The following SLC16A10 variants were observed in gnomAD, a reference collection of about 807,000 sequenced individuals.
SLC16A10 encodes the protein monocarboxylate transporter 10.
A neutral mutation model predicts 40.0 loss-of-function variants in SLC16A10; 27 were observed. The ratio of observed to expected loss-of-function variants is 0.67; its 90% CI spans 0.50 to 0.93. The LOEUF (loss-of-function observed/expected upper bound fraction) is 0.93. SLC16A10 is among the 40% of genes least tolerant of loss of function. SLC16A10 has a pLI of 0.00. For missense variants in SLC16A10, 529 were observed against 658.2 expected, an observed-to-expected ratio of 0.80 and a Z score of 2.15; for synonymous variants, 213 against 249.8, an observed-to-expected ratio of 0.85 and a Z score of 1.39.
chr6:111,145,561 C>T (rs1258889476), intron 1 of SLC16A10, among the ~76,000 whole-genome samples: 1 of 152,080 alleles, frequency 6.6e-6, no homozygotes, highest in Non-Finnish European at 1.5e-5. Context: ...GATCCCCTAC[C>T]TCACACCATA....
At chr6:111,176,787 G>A (rs771269301) in intron 2 of SLC16A10, among the ~76,000 whole-genome samples, 5 of 152,204 alleles carry the variant, frequency 3.3e-5, no homozygotes, top group Non-Finnish European at 7.3e-5. Flanking sequence ...AGATTTCATA[G>A]TTAATTCTAA....
chr6:111,154,239 G>T (rs1004990507), intron 1 of SLC16A10, among the ~76,000 whole-genome samples: 1 of 152,126 alleles, frequency 6.6e-6, no homozygotes, highest in African/African-American at 2.4e-5. Context: ...GTAATAACAG[G>T]ATTATATGTG....
chr6:111,201,814 C>T (rs553295615), intron 3 of SLC16A10, among the ~76,000 whole-genome samples: 1 of 152,256 alleles, frequency 6.6e-6, no homozygotes, highest in African/African-American at 2.4e-5. Flanking sequence ...ATTTGGGGTT[C>T]CCTTCTGTTG....
intron 4 of SLC16A10, among the ~76,000 whole-genome samples, chr6:111,210,693 C>G (rs537775282): frequency 6.6e-6 from 1 of 152,134 alleles, no homozygotes; most frequent in East Asian, 1.9e-4. Flanking sequence ...TAGAGTGGGT[C>G]AGATTAGACA....
intron 1 of SLC16A10, among the ~76,000 whole-genome samples, chr6:111,090,701 C>G (rs1394281320): frequency 6.6e-6 from 1 of 152,190 alleles, no homozygotes; most frequent in Non-Finnish European, 1.5e-5. Context: ...TTGAGAATAT[C>G]TGCTTTGAAG....
chr6:111,203,751 T>TAAATAAATAAAAAAAA lies in SLC16A10; in HGVS notation c.943-2838_943-2837insTAAATAAAAAAAAAAA, dbSNP rs1554261471. 6.4e-4 allele frequency among the ~76,000 whole-genome samples: 94 copies of TAAATAAATAAAAAAAA among 147,768 alleles called. No homozygotes were observed. The South Asian group carries it at 7.2e-3, about 11-fold the overall frequency. On this transcript the variant is annotated intron_variant, in intron 3 of 5. Transcript: ENST00000368851. ...ATAAATAAATAAATAAATAAATAAA[T>TAAATAAATAAAAAAAA]AAAATAATGCCCCTTCTAGTTGAAA...
In SLC16A10 at chr6:111,172,676, G is replaced by A. The variant is rs1772607115; in HGVS notation, c.344-19G>A. ...CTTACCATGTCATAATTCCCCCCACGCTTTCCCTTCTTTTACAGCATGGGT... is the reference window on the plus strand; with the variant it reads ...CTTACCATGTCATAATTCCCCCCACACTTTCCCTTCTTTTACAGCATGGGT... On this transcript the variant is annotated intron_variant, in intron 1 of 5. Transcript: ENST00000368851. 5 of 1,607,920 alleles carry A rather than the reference G, an allele frequency of 3.1e-6. No homozygotes were observed. Among genetic ancestry groups the A allele is most frequent in the Admixed American group, 1.7e-5 (1 of 59,826 alleles).
At chr6:111,103,406 T>C (rs991710759) in intron 1 of SLC16A10, among the ~76,000 whole-genome samples, 2 of 152,020 alleles carry the variant, frequency 1.3e-5, no homozygotes, top group African/African-American at 4.8e-5. Flanking sequence ...TTAGTAGAAA[T>C]GGGGTTTCAC....
intron 4 of SLC16A10, among the ~76,000 whole-genome samples, chr6:111,213,096 G>T (rs1456838342): frequency 6.6e-6 from 1 of 152,166 alleles, no homozygotes; most frequent in Non-Finnish European, 1.5e-5. Flanking sequence ...TTAAAACTGT[G>T]TATGAAAGAA....
At chr6:111,088,787 T>G (rs774613645) in intron 1 of SLC16A10, among the ~76,000 whole-genome samples, 5 of 151,688 alleles carry the variant, frequency 3.3e-5, no homozygotes, top group Non-Finnish European at 5.9e-5. Flanking sequence ...TTTAACCATA[T>G]AGTAAATTAG....
chr6:111,157,566 G>A (rs971115497), intron 1 of SLC16A10, among the ~76,000 whole-genome samples: 48 of 152,202 alleles, frequency 3.2e-4, no homozygotes, highest in Non-Finnish European at 5.9e-5. Flanking sequence ...ACAGGCATGA[G>A]CCACCGTGCC....
rs561399636 is a variant in SLC16A10 at position 111,177,616 on chromosome 6, T to C, written c.893T>C (p.Val298Ala). ...FKVTAYAVWA[V>A]GIPLALFGYF... Reference sequence around the variant, plus strand: ...GTGACAGCTTATGCAGTGTGGGCAGTTGGAATACCACTTGCACTTTTTGGA... The same window carrying C: ...GTGACAGCTTATGCAGTGTGGGCAGCTGGAATACCACTTGCACTTTTTGGA... Residue 298 changes from valine to alanine, a missense_variant, in exon 3 of 6, where the codon GTT becomes GCT. Coordinates refer to ENST00000368851, the MANE Select transcript of SLC16A10 (RefSeq NM_018593.5). 7.5e-6 allele frequency: 12 copies of C among 1,594,408 alleles called. No homozygotes were observed. In the South Asian group the frequency reaches 9.1e-5, roughly 12 times the overall value.
chr6:111,092,068 TG>T (rs1047133252), intron 1 of SLC16A10, among the ~76,000 whole-genome samples: 11 of 152,064 alleles, frequency 7.2e-5, no homozygotes, highest in African/African-American at 2.7e-4. Flanking sequence ...GTGGTGGGGT[TG>T]GGGGTGGGGA....
intron 1 of SLC16A10, among the ~76,000 whole-genome samples, chr6:111,152,968 TG>T (rs766806088): frequency 5.3e-5 from 8 of 152,170 alleles, no homozygotes; most frequent in Non-Finnish European, 1.0e-4. Flanking sequence ...TGCACATGCA[TG>T]TGTGTGCAAT....
chr6:111,133,475 T>C (rs1771822189), intron 1 of SLC16A10, among the ~76,000 whole-genome samples: 1 of 152,162 alleles, frequency 6.6e-6, no homozygotes, highest in African/African-American at 2.4e-5. Flanking sequence ...CTTACATTCC[T>C]CTGCAGTACC....
chr6:111,119,744 C>T (rs1357774269), intron 1 of SLC16A10, among the ~76,000 whole-genome samples: 2 of 152,316 alleles, frequency 1.3e-5, no homozygotes, highest in African/African-American at 2.4e-5. Flanking sequence ...GGGTGGGGTC[C>T]TGGTCAGATA....
intron 1 of SLC16A10, among the ~76,000 whole-genome samples, chr6:111,105,425 A>G (rs1440616137): frequency 2.0e-5 from 3 of 152,236 alleles, no homozygotes; most frequent in Admixed American, 2.0e-4. Flanking sequence ...AAATTAAGTT[A>G]TCTGACTGGG....
chr6:111,124,158 GATTGGC>G (rs1562404314), intron 1 of SLC16A10, among the ~76,000 whole-genome samples: 1 of 152,118 alleles, frequency 6.6e-6, no homozygotes, highest in Non-Finnish European at 1.5e-5. Context: ...TGGGCTTTTT[GATTGGC>G]AGGAAGTAGG....
rs777511399 is a variant in SLC16A10 at position 111,218,806 on chromosome 6, C to G, written c.1087-8C>G. 1.9e-6 allele frequency: 3 copies of G among 1,612,324 alleles called. No individual in the cohort carries two copies. In the African/African-American group the frequency reaches 4.0e-5, roughly 22 times the overall value. On this transcript the variant is annotated splice_region_variant and splice_polypyrimidine_tract_variant and intron_variant, in intron 4 of 5. Coordinates refer to ENST00000368851, the MANE Select transcript of SLC16A10 (RefSeq NM_018593.5). ...CGAGCGGAGCTGACCTTGTGGTGTC[C>G]GTCCTAGGTACTCTCCTTTTTCTTC...
Sources: allele counts gnomAD v4.1 joint callset (sites outside exome capture counted in the v4.1 genomes callset), GRCh38; gene constraint gnomAD v4.1.1; transcripts MANE v1.5; gene names NCBI Gene and HGNC (gene_info 2026-07-23, HGNC 2026-07-21).